The following AFF1 variants were observed in gnomAD, a reference collection of about 807,000 sequenced individuals.
AFF1 encodes AF4/FMR2 family member 1.
AFF1 carries 48 observed loss-of-function variants against 121.7 expected under a neutral mutation model. The observed-to-expected ratio is 0.39, with a 90% CI of 0.31 to 0.50. The LOEUF (loss-of-function observed/expected upper bound fraction) is 0.50. Ranked by LOEUF, AFF1 falls within the 20% of genes least tolerant of loss-of-function variation. The pLI, the probability that AFF1 is intolerant of heterozygous loss-of-function variation, is 0.76. For synonymous variants in AFF1, 613 were observed against 563.0 expected, an observed-to-expected ratio of 1.09 and a Z score of -1.26; for missense variants, 1,523 against 1,511.7, an observed-to-expected ratio of 1.01 and a Z score of -0.12.
chr4:86,989,667 A>G (rs1361406133), intron 2 of AFF1, among the ~76,000 whole-genome samples: 1 of 152,212 alleles, frequency 6.6e-6, no homozygotes, highest in African/African-American at 2.4e-5. Flanking sequence ...CAGCAATCCC[A>G]TTACTTGGGT....
rs765015565 is a variant in AFF1 at position 87,070,088 on chromosome 4, C to T, written c.1060-14032C>T. Reference sequence around the variant, plus strand: ...GCAGGATCTCAGCTCACTGCAACCCCTGCCTCCCGGGTTCAAGTGATTGTC... The same window carrying T: ...GCAGGATCTCAGCTCACTGCAACCCTTGCCTCCCGGGTTCAAGTGATTGTC... On this transcript the variant is annotated intron_variant, in intron 4 of 20. Transcript: ENST00000395146. 2.8e-4 allele frequency among the ~76,000 whole-genome samples: 42 copies of T among 152,328 alleles called. 1 individual carries two copies. The highest frequency in any genetic ancestry group is 9.8e-4 in the Admixed American group (15 of 15,310).
chr4:87,017,194 A>C (rs557760460), intron 2 of AFF1, among the ~76,000 whole-genome samples: 1 of 151,446 alleles, frequency 6.6e-6, no homozygotes, highest in East Asian at 1.9e-4. Context: ...AAAATGCCAA[A>C]CAGTTTTTCA....
At chr4:87,022,772 GTA>G (rs531375419) in intron 2 of AFF1, among the ~76,000 whole-genome samples, 4 of 149,908 alleles carry the variant, frequency 2.7e-5, no homozygotes, top group East Asian at 3.9e-4. Flanking sequence ...TCATGTGTGT[GTA>G]TATATATACA....
chr4:87,068,880 A>G (rs1370481026), intron 4 of AFF1, among the ~76,000 whole-genome samples: 1 of 152,174 alleles, frequency 6.6e-6, no homozygotes, highest in Non-Finnish European at 1.5e-5. Context: ...ATGTGTGAAA[A>G]CAGGAAAGCT....
At chr4:87,072,450 T>C (rs556101606) in intron 4 of AFF1, among the ~76,000 whole-genome samples, 1 of 151,870 alleles carries the variant, frequency 6.6e-6, no homozygotes, top group South Asian at 2.1e-4. Context: ...ACTTATTAAA[T>C]ACCTATTTAA....
intron 2 of AFF1, among the ~76,000 whole-genome samples, chr4:87,001,507 C>T (rs1025976118): frequency 6.6e-6 from 1 of 152,110 alleles, no homozygotes; most frequent in Admixed American, 6.6e-5. Flanking sequence ...TGAGCCACCG[C>T]GCCCGGCTCG....
intron 2 of AFF1, among the ~76,000 whole-genome samples, chr4:87,027,173 A>G (rs562861552): frequency 6.6e-6 from 1 of 152,352 alleles, no homozygotes; most frequent in East Asian, 1.9e-4. Context: ...ATTACCCTGA[A>G]AACTTCCCAG....
At chr4:86,936,636 C>G (rs1308471527) in intron 1 of AFF1, among the ~76,000 whole-genome samples, 1 of 152,138 alleles carries the variant, frequency 6.6e-6, no homozygotes, top group Non-Finnish European at 1.5e-5. Flanking sequence ...TGTTTACTTC[C>G]TCTGTCTAAT....
chr4:86,948,227 C>T (rs888902865), intron 1 of AFF1, among the ~76,000 whole-genome samples: 9 of 152,068 alleles, frequency 5.9e-5, no homozygotes, highest in African/African-American at 1.9e-4. Context: ...ATGGTATTTC[C>T]TTTTCTCCTC....
chr4:87,017,596 A>G (rs1179910302), intron 2 of AFF1, among the ~76,000 whole-genome samples: 2 of 152,342 alleles, frequency 1.3e-5, no homozygotes, highest in African/African-American at 4.8e-5. Context: ...GTTAAGTAGA[A>G]ATCCTTTATT....
intron 2 of AFF1, among the ~76,000 whole-genome samples, chr4:87,031,176 A>C (rs1729042621): frequency 6.6e-6 from 1 of 152,072 alleles, no homozygotes; most frequent in South Asian, 2.1e-4. Flanking sequence ...ATGCTTTCGG[A>C]CCCATCCTGT....
chr4:87,030,856 CTT>C (rs763137527), intron 2 of AFF1, among the ~76,000 whole-genome samples: 47 of 152,146 alleles, frequency 3.1e-4, no homozygotes, highest in Non-Finnish European at 6.3e-4. Context: ...GATTGAGCCT[CTT>C]TTGGGCAATG....
chr4:87,091,959 G>C, intron 7 of AFF1, 130 bp downstream of exon 7: 1 of 684,434 alleles, frequency 1.5e-6, no homozygotes, highest in Non-Finnish European at 2.5e-6. Context: ...TAGGAAAGGA[G>C]AACAAATATA....
chr4:86,956,645 T>C (rs1476857629), intron 2 of AFF1, among the ~76,000 whole-genome samples: 1 of 152,212 alleles, frequency 6.6e-6, no homozygotes, highest in Non-Finnish European at 1.5e-5. Flanking sequence ...TTTTGCCTAT[T>C]CTGGACATTT....
intron 2 of AFF1, among the ~76,000 whole-genome samples, chr4:87,015,828 T>G (rs1727235934): frequency 6.6e-6 from 1 of 152,260 alleles, no homozygotes; most frequent in Admixed American, 6.5e-5. Context: ...CTGAGGTCAC[T>G]CGTATTCTGT....
Position 86,969,807 on chromosome 4 carries a change from G to C in AFF1, c.38+21236G>C, listed in dbSNP as rs944124157. On this transcript the variant is annotated intron_variant, in intron 2 of 20. Coordinates refer to ENST00000395146, the MANE Select transcript of AFF1 (RefSeq NM_001166693.3). ...AGGCGGAAGAATGGCGTGAACCCGG[G>C]AGGCGGAGCTTGCAGTGAGCCGAGA... 2.0e-5 allele frequency among the ~76,000 whole-genome samples: 3 copies of C among 147,098 alleles called. No individual in the cohort carries two copies. The East Asian group carries it at 6.1e-4, about 30-fold the overall frequency.
In AFF1 at chr4:87,105,624, C is replaced by G; in HGVS notation, c.1284-4C>G. 3 of 1,614,168 alleles carry G rather than the reference C, an allele frequency of 1.9e-6. No homozygotes were observed. The highest frequency in any genetic ancestry group is 2.5e-6 in the Non-Finnish European group (3 of 1,180,036). ...ATTCTTCTCTGTGTCCCTGCCCATTCCAGCATGCTCGAAGACGACCTTCAG... is the reference window on the plus strand; with the variant it reads ...ATTCTTCTCTGTGTCCCTGCCCATTGCAGCATGCTCGAAGACGACCTTCAG... On this transcript the variant is annotated splice_region_variant and splice_polypyrimidine_tract_variant and intron_variant, in intron 8 of 20. Coordinates refer to ENST00000395146, the MANE Select transcript of AFF1 (RefSeq NM_001166693.3).
chr4:86,999,522 C>T (rs958961733), intron 2 of AFF1, among the ~76,000 whole-genome samples: 1 of 152,174 alleles, frequency 6.6e-6, no homozygotes, highest in Non-Finnish European at 1.5e-5. Context: ...TTTGGACAAC[C>T]TCCCAAGTGC....
chr4:87,048,652 T>C (rs1730964024), intron 4 of AFF1, among the ~76,000 whole-genome samples: 1 of 152,226 alleles, frequency 6.6e-6, no homozygotes, highest in Non-Finnish European at 1.5e-5. Flanking sequence ...CCTGGAAAGA[T>C]AACCTTTATC....
Sources: allele counts gnomAD v4.1 joint callset (sites outside exome capture counted in the v4.1 genomes callset), GRCh38; gene constraint gnomAD v4.1.1; transcripts MANE v1.5; gene names NCBI Gene and HGNC (gene_info 2026-07-23, HGNC 2026-07-21).